Variants in MLYCD observed in about 807,000 individuals in gnomAD.
MLYCD encodes malonyl-CoA decarboxylase.
Under a neutral mutation model 35.8 loss-of-function variants are expected in MLYCD, and 27 were observed. That is an observed-to-expected ratio of 0.75 (90% CI 0.56 to 1.04). MLYCD has a LOEUF of 1.04. MLYCD is among the 50% of genes least tolerant of loss of function. MLYCD has a pLI of 0.00. For synonymous variants in MLYCD, 403 were observed against 302.4 expected, an observed-to-expected ratio of 1.33 and a Z score of -3.45; for missense variants, 917 against 665.1, an observed-to-expected ratio of 1.38 and a Z score of -4.17.
intron 1 of MLYCD, among the ~76,000 whole-genome samples, chr16:83,904,053 C>T (rs1906892372): frequency 6.6e-6 from 1 of 152,144 alleles, no homozygotes. Flanking sequence ...TCTCGTGTAC[C>T]AGTGTCACAT....
In MLYCD at chr16:83,920,931, T is replaced by C. The variant is rs1464779502; in HGVS notation, c.*5442T>C. On this transcript the variant is annotated 3_prime_UTR_variant, in exon 5 of 5. Coordinates refer to ENST00000262430, the MANE Select transcript of MLYCD (RefSeq NM_012213.3). The stretch of plus-strand genomic sequence containing the variant: ...ATGGATGGATGGATGGATGGATGGA[T>C]GGATGGATGGATGACAGATGGATGG... 45 of 138,834 alleles carry C rather than the reference T, an allele frequency of 3.2e-4. No individual in the cohort carries two copies. The highest frequency in any genetic ancestry group is 1.1e-3 in the African/African-American group (41 of 37,482). The allele number at this position is 138,834 out of a possible 1,614,324, so 8.6% of individuals were successfully genotyped here.
At position 83,915,605 on chromosome 16, in the gene MLYCD, C is replaced by T; in HGVS notation, c.*116C>T. 1 of 1,535,868 alleles carries T rather than the reference C, an allele frequency of 6.5e-7. No individual in the cohort carries two copies. Among genetic ancestry groups the T allele is most frequent in the Non-Finnish European group, 8.7e-7 (1 of 1,147,738 alleles). On this transcript the variant is annotated 3_prime_UTR_variant, in exon 5 of 5. Coordinates refer to ENST00000262430, the MANE Select transcript of MLYCD (RefSeq NM_012213.3). ...AAGCAAAGCCAAAGTTGACTGTGTT[C>T]TTGTCCCGCAGCCGGTCCACACTGT...
rs1164776785 is a variant in MLYCD, at chr16:83,916,636, CTG to C, written c.*1152_*1153del. Reference sequence around the variant, plus strand: ...CGTCTCTGTGTGGATCAGTGCACGTCTGTGTGCGTGTGCACGAGCATCTCTGT... The same window carrying C: ...CGTCTCTGTGTGGATCAGTGCACGTCTGTGCGTGTGCACGAGCATCTCTGT... On this transcript the variant is annotated 3_prime_UTR_variant, in exon 5 of 5. Coordinates refer to ENST00000262430, the MANE Select transcript of MLYCD (RefSeq NM_012213.3). 1 of 127,458 alleles carries C rather than the reference CTG, an allele frequency of 7.8e-6. No homozygotes were observed. The highest frequency in any genetic ancestry group is 1.6e-5 in the Non-Finnish European group (1 of 62,854). The allele number at this position is 127,458 out of a possible 1,614,324, so 7.9% of individuals were successfully genotyped here.
intron 4 of MLYCD, 102 bp downstream of exon 4, chr16:83,912,469 A>G (rs891326658): frequency 2.0e-6 from 3 of 1,499,090 alleles, no homozygotes; most frequent in African/African-American, 2.8e-5. Context: ...AGATGAAGAC[A>G]GGAGCTAAAG....
chr16:83,910,381 C>T (rs1021793957), intron 3 of MLYCD, among the ~76,000 whole-genome samples: 1 of 151,692 alleles, frequency 6.6e-6, no homozygotes, highest in African/African-American at 2.4e-5. Flanking sequence ...AGATAATTTG[C>T]AGACTTCTTA....
rs186889099 is a variant in MLYCD, at chr16:83,915,519, C to G, written c.*30C>G. 2 of 1,603,882 alleles carry G rather than the reference C, an allele frequency of 1.2e-6. No homozygotes were observed. Among genetic ancestry groups the G allele is most frequent in the African/African-American group, 1.3e-5 (1 of 74,904 alleles). ...AAACCTCTCCTAAAGCACAGGGCCC[C>G]GGCTAAGAAAACGATCATTTTCAGG... On this transcript the variant is annotated 3_prime_UTR_variant, in exon 5 of 5. Coordinates refer to ENST00000262430, the MANE Select transcript of MLYCD (RefSeq NM_012213.3).
chr16:83,914,580 G>T (rs908534980), intron 4 of MLYCD: 1 of 336,124 alleles, frequency 3.0e-6, no homozygotes, highest in Non-Finnish European at 5.8e-6. Flanking sequence ...GCCTTGGGGA[G>T]TCAGGATGCC....
chr16:83,908,914 C>A (rs188506450), intron 3 of MLYCD, among the ~76,000 whole-genome samples: 1 of 152,192 alleles, frequency 6.6e-6, no homozygotes, highest in Non-Finnish European at 1.5e-5. Flanking sequence ...GCATGAGACC[C>A]CTGGGGCATT....
Position 83,916,810 on chromosome 16 carries a change from C to T in MLYCD, c.*1321C>T, listed in dbSNP as rs28450784. 1.2e-3 allele frequency: 90 copies of T among 78,252 alleles called. No homozygotes were observed. The highest frequency in any genetic ancestry group is 2.2e-3 in the Admixed American group (13 of 5,962). 4.8% of individuals were successfully genotyped at this position (78,252 alleles called of 1,614,324 possible). ...AGCGTTCTATGTGGATCAGTGCACG[C>T]CTGTGTGCGTGTGCACGAGCGTCTC... On this transcript the variant is annotated 3_prime_UTR_variant, in exon 5 of 5. Transcript: ENST00000262430.
Position 83,908,208 on chromosome 16 carries a change from C to G in MLYCD, c.724C>G (p.His242Asp), listed in dbSNP as rs752748686. 3.1e-6 allele frequency: 5 copies of G among 1,614,222 alleles called. No homozygotes were observed. In the South Asian group the frequency reaches 5.5e-5, roughly 18 times the overall value. The stretch of plus-strand genomic sequence containing the variant: ...CTACAGAAGGTGTTACTTCTTTTCT[C>G]ACTGTTCGACCCCTGGGGAGCCCCT... ...GPYRRCYFFS[H>D]CSTPGEPLVV... is the part of the protein sequence containing the mutation. The change falls in exon 3 of 5, where the codon CAC (histidine) becomes GAC (aspartate). Residue 242 changes from histidine (H) to aspartate (D), a missense_variant. Transcript: ENST00000262430.
At position 83,899,653 on chromosome 16, in the gene MLYCD, T is replaced by A; in HGVS notation, c.509T>A (p.Val170Glu). ...DLLEAQALKL[V>E]EGPDVREMNG... The stretch of plus-strand genomic sequence containing the variant: ...CTGGAGGCGCAGGCCCTCAAGCTGG[T>A]GGAGGGGCCGGACGTCCGGGTAAGG... The change falls in exon 1 of 5, where the codon GTG becomes GAG. Residue 170 changes from valine to glutamate, a missense_variant. Val to Glu is a moderately radical substitution (Grantham distance 121). Coordinates refer to ENST00000262430, the MANE Select transcript of MLYCD (RefSeq NM_012213.3). 1 of 1,539,010 alleles carries A rather than the reference T, an allele frequency of 6.5e-7. No individual in the cohort carries two copies. The highest frequency in any genetic ancestry group is 2.5e-5 in the East Asian group (1 of 40,538).
At chr16:83,907,220 T>C (rs1907011118) in intron 2 of MLYCD, 121 bp downstream of exon 2, 3 of 906,502 alleles carry the variant, frequency 3.3e-6, no homozygotes, top group African/African-American at 1.7e-5. Context: ...TCAAGTCTAA[T>C]AAAATCCAAA....
At position 83,924,326 on chromosome 16, in the gene MLYCD, A is replaced by G. The variant is rs1907742050; in HGVS notation, c.*8837A>G. The G allele has an allele frequency of 6.6e-6, 1 of 152,228 alleles. No individual in the cohort carries two copies. The highest frequency in any genetic ancestry group is 2.1e-4 in the South Asian group (1 of 4,826). 9.4% of individuals were successfully genotyped at this position (152,228 alleles called of 1,614,324 possible). On this transcript the variant is annotated 3_prime_UTR_variant, in exon 5 of 5. Coordinates refer to ENST00000262430, the MANE Select transcript of MLYCD (RefSeq NM_012213.3). ...TCTCTCCGGAGCAGTTGAGTAGAAC[A>G]GCTGGCGTCACCTCTTCATGTTGAC...
chr16:83,912,800 C>A (rs1789750826), intron 4 of MLYCD: 1 of 294,808 alleles, frequency 3.4e-6, no homozygotes, highest in Non-Finnish European at 6.7e-6. Context: ...GCCTCTGACA[C>A]CTGATGTGCT....
rs766280983 is a variant in MLYCD, at chr16:83,921,246, G to A, written c.*5757G>A. 2 of 149,438 alleles carry A rather than the reference G, an allele frequency of 1.3e-5. No individual in the cohort carries two copies. Among genetic ancestry groups the A allele is most frequent in the Non-Finnish European group, 3.0e-5 (2 of 67,314 alleles). The allele number at this position is 149,438 out of a possible 1,614,324, so 9.3% of individuals were successfully genotyped here. ...GAGGGTGGATGGAAGGAAGATGGAT[G>A]AATAGATGGGTGGGTGGGTGGATGT... On this transcript the variant is annotated 3_prime_UTR_variant, in exon 5 of 5. Transcript: ENST00000262430.
At chr16:83,913,750 AT>A (rs1392469084) in intron 4 of MLYCD, 1 of 143,122 alleles carries the variant, frequency 7.0e-6, no homozygotes, top group Non-Finnish European at 1.5e-5. Flanking sequence ...GGAGGCGGAG[AT>A]TGCAGTGAGC....
rs569149073 is a variant in MLYCD at position 83,920,198 on chromosome 16, A to C, written c.*4709A>C. On this transcript the variant is annotated 3_prime_UTR_variant, in exon 5 of 5. Transcript: ENST00000262430. ...AGTTTTGTTTTGTTTTGCTTTTGCA[A>C]TTCCAGGGAGCTCCCTGGCCTCCCA... The C allele has an allele frequency of 3.9e-5, 6 of 152,264 alleles. No individual in the cohort carries two copies. Among genetic ancestry groups the C allele is most frequent in the African/African-American group, 1.2e-4 (5 of 41,548 alleles). 9.4% of individuals were successfully genotyped at this position (152,264 alleles called of 1,614,324 possible).
chr16:83,918,709 G>A lies in MLYCD; in HGVS notation c.*3220G>A, dbSNP rs1207039371. On this transcript the variant is annotated 3_prime_UTR_variant, in exon 5 of 5. Transcript: ENST00000262430. ...GCACAGAACACACGCACAGTGCACAGGAGAAAACGCACACACAGTGCACAG... is the reference window on the plus strand; with the variant it reads ...GCACAGAACACACGCACAGTGCACAAGAGAAAACGCACACACAGTGCACAG... 6.7e-6 allele frequency: 1 copy of A among 148,164 alleles called. No individual in the cohort carries two copies. The highest frequency in any genetic ancestry group is 2.1e-4 in the East Asian group (1 of 4,830). The allele number at this position is 148,164 out of a possible 1,614,324, so 9.2% of individuals were successfully genotyped here. A position where few individuals can be genotyped will look rare whatever the true frequency, so the allele number is the denominator to read the frequency against.
At chr16:83,907,776 G>T (rs1907033434) in intron 2 of MLYCD, among the ~76,000 whole-genome samples, 1 of 152,182 alleles carries the variant, frequency 6.6e-6, no homozygotes, top group Admixed American at 6.5e-5. Flanking sequence ...TTGCAGCACT[G>T]ACGGCTTCAC....
Sources: allele counts gnomAD v4.1 joint callset (sites outside exome capture counted in the v4.1 genomes callset), GRCh38; gene constraint gnomAD v4.1.1; transcripts MANE v1.5; gene names NCBI Gene and HGNC (gene_info 2026-07-23, HGNC 2026-07-21).